The following ZBTB20 variants were observed in gnomAD, a reference collection of about 807,000 sequenced individuals.
ZBTB20 encodes the protein zinc finger and BTB domain containing 20, also known as zinc finger and BTB domain-containing protein 20.
ZBTB20 carries 9 observed loss-of-function variants against 56.9 expected under a neutral mutation model. That is an observed-to-expected ratio of 0.16 (90% CI 0.10 to 0.28). The LOEUF (loss-of-function observed/expected upper bound fraction) is 0.28, where lower values mean the gene tolerates loss of function less well. ZBTB20 is among the 10% of genes least tolerant of loss of function. The pLI is 1.00. For synonymous variants in ZBTB20, 417 were observed against 420.7 expected, an observed-to-expected ratio of 0.99 and a Z score of 0.11; for missense variants, 655 against 1,003.0, an observed-to-expected ratio of 0.65 and a Z score of 4.69.
chr3:114,405,830 AT>A (rs2087264504), intron 7 of ZBTB20, among the ~76,000 whole-genome samples: 1 of 152,154 alleles, frequency 6.6e-6, no homozygotes, highest in Non-Finnish European at 1.5e-5. Context: ...GGTAGGCTGC[AT>A]TTGGCTGAGA....
At chr3:114,566,832 C>T (rs935736065) in intron 6 of ZBTB20, among the ~76,000 whole-genome samples, 1 of 152,204 alleles carries the variant, frequency 6.6e-6, no homozygotes, top group Non-Finnish European at 1.5e-5. Flanking sequence ...ATCTATTTAG[C>T]AGAATCTTCT....
chr3:114,552,921 C>A (rs1231068944), intron 6 of ZBTB20, among the ~76,000 whole-genome samples: 2 of 152,150 alleles, frequency 1.3e-5, no homozygotes, highest in Admixed American at 6.6e-5. Context: ...TTCAATCATT[C>A]TATTTTATAT....
At chr3:115,094,668 C>T (rs952969107) in intron 1 of ZBTB20, among the ~76,000 whole-genome samples, 21 of 151,038 alleles carry the variant, frequency 1.4e-4, no homozygotes, top group Admixed American at 1.3e-3. Context: ...AACAACAAAT[C>T]ACAATTTAAT....
At chr3:114,619,629 C>T (rs1328256919) in intron 6 of ZBTB20, among the ~76,000 whole-genome samples, 1 of 152,052 alleles carries the variant, frequency 6.6e-6, no homozygotes, top group South Asian at 2.1e-4. Context: ...TAGAGGCTAG[C>T]TCGACTTGGT....
At chr3:114,425,118 T>G (rs1576697236) in intron 7 of ZBTB20, among the ~76,000 whole-genome samples, 1 of 134,576 alleles carries the variant, frequency 7.4e-6, no homozygotes, top group Non-Finnish European at 1.5e-5. Context: ...GCTCTGAAAT[T>G]TGAAAAACCA....
At chr3:114,729,301 A>G (rs912365476) in intron 5 of ZBTB20, among the ~76,000 whole-genome samples, 2 of 152,230 alleles carry the variant, frequency 1.3e-5, no homozygotes, top group African/African-American at 4.8e-5. Context: ...GCATAGTAAA[A>G]TAGAGAATAA....
intron 1 of ZBTB20, among the ~76,000 whole-genome samples, chr3:115,105,973 A>G (rs1019036906): frequency 1.3e-5 from 2 of 151,836 alleles, no homozygotes; most frequent in African/African-American, 4.8e-5. Context: ...GCGTGCCACC[A>G]TGCCTGTCTA....
intron 6 of ZBTB20, among the ~76,000 whole-genome samples, chr3:114,615,747 T>C (rs1212832420): frequency 6.6e-6 from 1 of 152,194 alleles, no homozygotes; most frequent in African/African-American, 2.4e-5. Context: ...GATTGAGTAT[T>C]TATAGACACA....
chr3:115,007,197 TA>T (rs1051296214), intron 2 of ZBTB20, among the ~76,000 whole-genome samples: 5 of 151,890 alleles, frequency 3.3e-5, no homozygotes, highest in Non-Finnish European at 5.9e-5. Context: ...TTGAGTCGTC[TA>T]AAAAAATATG....
chr3:114,787,458 T>C (rs747941082), intron 5 of ZBTB20, among the ~76,000 whole-genome samples: 31 of 150,470 alleles, frequency 2.1e-4, no homozygotes, highest in African/African-American at 5.6e-4. Context: ...TATACACATA[T>C]ATACATATAT....
At chr3:114,542,151 TAAC>T (rs1294667740) in intron 6 of ZBTB20, among the ~76,000 whole-genome samples, 1 of 152,188 alleles carries the variant, frequency 6.6e-6, no homozygotes, top group Non-Finnish European at 1.5e-5. Context: ...AATGCCCAGA[TAAC>T]ATTTAATACA....
chr3:114,438,201 C>T (rs1174116252), intron 7 of ZBTB20, among the ~76,000 whole-genome samples: 4 of 151,862 alleles, frequency 2.6e-5, no homozygotes, highest in Non-Finnish European at 5.9e-5. Flanking sequence ...AGGCAGAAGC[C>T]CAGGGCCAGA....
chr3:114,971,506 C>T (rs1352760386), intron 3 of ZBTB20, among the ~76,000 whole-genome samples: 1 of 152,080 alleles, frequency 6.6e-6, no homozygotes, highest in African/African-American at 2.4e-5. Flanking sequence ...GTTAATAATT[C>T]CTTAATCAAA....
intron 7 of ZBTB20, among the ~76,000 whole-genome samples, chr3:114,401,863 G>A (rs961166015): frequency 6.6e-6 from 1 of 152,124 alleles, no homozygotes; most frequent in Non-Finnish European, 1.5e-5. Context: ...TGGATAGGAA[G>A]TTTAAAAGTT....
chr3:114,625,290 GA>G (rs2058594229), intron 6 of ZBTB20, among the ~76,000 whole-genome samples: 1 of 152,072 alleles, frequency 6.6e-6, no homozygotes, highest in Non-Finnish European at 1.5e-5. Context: ...GTCAGAAAAA[GA>G]GGGCACTGGT....
intron 6 of ZBTB20, among the ~76,000 whole-genome samples, chr3:114,591,899 C>A (rs2055804992): frequency 6.6e-6 from 1 of 152,152 alleles, no homozygotes; most frequent in Non-Finnish European, 1.5e-5. Context: ...TAATGATTTG[C>A]AACCATTTAG....
Position 115,023,585 on chromosome 3 carries a change from A to G in ZBTB20, c.-507+47634T>C, listed in dbSNP as rs150342128. Among the ~76,000 whole-genome samples, 291 of 151,042 alleles carry G rather than the reference A, an allele frequency of 1.9e-3. 1 individual carries two copies. The highest frequency in any genetic ancestry group is 6.3e-3 in the African/African-American group (260 of 41,382). ...AAATATGCTATACTTCTCTTTGACA[A>G]ATCCAAACTTGAATAAACTCTTACA... On this transcript the variant is annotated intron_variant, in intron 2 of 11. Coordinates refer to ENST00000675478, the MANE Select transcript of ZBTB20 (RefSeq NM_001348800.3).
rs2084255954 is a variant in ZBTB20, at chr3:114,380,962, T to G, written c.-153-22A>C. The G allele has an allele frequency of 2.5e-5, 11 of 437,674 alleles. No individual in the cohort carries two copies. In the South Asian group the frequency reaches 7.5e-4, roughly 30 times the overall value. 27.1% of individuals were successfully genotyped at this position (437,674 alleles called of 1,614,324 possible). On this transcript the variant is annotated intron_variant, in intron 8 of 11. Transcript: ENST00000675478. ...TCATCTGTAAAATAAAGGGCTTGGATTAGAAGGCCTTAAAGGTTCCTTCCA... is the reference window on the plus strand; with the variant it reads ...TCATCTGTAAAATAAAGGGCTTGGAGTAGAAGGCCTTAAAGGTTCCTTCCA...
chr3:115,013,948 G>C (rs2079833855), intron 2 of ZBTB20, among the ~76,000 whole-genome samples: 1 of 150,490 alleles, frequency 6.6e-6, no homozygotes, highest in African/African-American at 2.5e-5. Context: ...TAAAAAGAAA[G>C]GAAATGAGTA....
Sources: gnomAD v4.1 joint callset for allele counts (sites outside exome capture counted in the v4.1 genomes callset) on GRCh38, gnomAD v4.1.1 for gene constraint, MANE v1.5 for transcripts, NCBI Gene and HGNC (gene_info 2026-07-23, HGNC 2026-07-21) for gene names.